Variants in B3GALT1 observed in about 807,000 individuals in gnomAD.
B3GALT1 encodes the protein UDP-Gal:betaGlcNAc beta 1,3-galactosyltransferase, polypeptide 1.
Under a neutral mutation model 23.2 loss-of-function variants are expected in B3GALT1, and 10 were observed. The ratio of observed to expected loss-of-function variants is 0.43; its 90% confidence interval spans 0.27 to 0.73. The LOEUF (loss-of-function observed/expected upper bound fraction) is 0.73. B3GALT1 is among the 30% of genes least tolerant of loss of function. B3GALT1 has a pLI of 0.21. For synonymous variants in B3GALT1, 156 were observed against 141.5 expected, an observed-to-expected ratio of 1.10 and a Z score of -0.73; for missense variants, 299 against 405.4, an observed-to-expected ratio of 0.74 and a Z score of 2.25.
intron 3 of B3GALT1, among the ~76,000 whole-genome samples, chr2:167,795,756 G>T (rs1688537283): frequency 1.3e-5 from 2 of 152,152 alleles, no homozygotes; most frequent in South Asian, 4.1e-4. Flanking sequence ...AAAGCTTATA[G>T]ATCCATCACC....
At chr2:167,521,172 ATGTT>A (rs1700181627) in intron 2 of B3GALT1, among the ~76,000 whole-genome samples, 1 of 152,062 alleles carries the variant, frequency 6.6e-6, no homozygotes, top group Non-Finnish European at 1.5e-5. Flanking sequence ...CATACACGTG[ATGTT>A]TGTTCTTGCT....
chr2:167,484,312 C>T (rs985322300), intron 1 of B3GALT1, among the ~76,000 whole-genome samples: 2 of 152,016 alleles, frequency 1.3e-5, no homozygotes, highest in Admixed American at 1.3e-4. Flanking sequence ...AAAAGTCAAA[C>T]TCTATAAAGT....
intron 3 of B3GALT1, among the ~76,000 whole-genome samples, chr2:167,689,774 G>A (rs940965099): frequency 6.6e-6 from 1 of 152,066 alleles, no homozygotes; most frequent in South Asian, 2.1e-4. Context: ...ATGAGACATG[G>A]TCTATTTCTG....
chr2:167,396,189 C>T (rs758807985), intron 1 of B3GALT1, among the ~76,000 whole-genome samples: 2 of 152,096 alleles, frequency 1.3e-5, no homozygotes, highest in Non-Finnish European at 2.9e-5. Flanking sequence ...TATCTAATTG[C>T]TATTTTGCAT....
chr2:167,507,958 G>A (rs1699946279), intron 2 of B3GALT1, among the ~76,000 whole-genome samples: 1 of 152,150 alleles, frequency 6.6e-6, no homozygotes. Context: ...CAAGATCAGA[G>A]TGCCATCATG....
chr2:167,873,234 T>A lies in B3GALT1; in HGVS notation c.*3214T>A, dbSNP rs528529112. ...TGTCTATGTTCTTAAAGTTCCTTTTTTTAATTTACTTTTTGGAAAAACGTT... is the reference window on the plus strand; with the variant it reads ...TGTCTATGTTCTTAAAGTTCCTTTTATTAATTTACTTTTTGGAAAAACGTT... On this transcript the variant is annotated 3_prime_UTR_variant, in exon 5 of 5. Coordinates refer to ENST00000392690, the MANE Select transcript of B3GALT1 (RefSeq NM_020981.4). The A allele has an allele frequency of 6.6e-6, 1 of 152,330 alleles. No individual in the cohort carries two copies. The highest frequency in any genetic ancestry group is 6.5e-5 in the Admixed American group (1 of 15,298). 9.4% of individuals were successfully genotyped at this position (152,330 alleles called of 1,614,324 possible). A position where few individuals can be genotyped will look rare whatever the true frequency, so the allele number is the denominator to read the frequency against.
intron 1 of B3GALT1, among the ~76,000 whole-genome samples, chr2:167,445,742 T>C (rs1437554425): frequency 1.3e-5 from 2 of 152,208 alleles, no homozygotes; most frequent in East Asian, 3.9e-4. Flanking sequence ...CCCTTTCTTT[T>C]GAGCTGATGT....
chr2:167,691,232 C>T (rs1224952760), intron 3 of B3GALT1, among the ~76,000 whole-genome samples: 1 of 152,066 alleles, frequency 6.6e-6, no homozygotes, highest in Non-Finnish European at 1.5e-5. Flanking sequence ...ACTTTCATTT[C>T]TGTATGCATA....
At chr2:167,342,821 T>C (rs1359284256) in intron 1 of B3GALT1, among the ~76,000 whole-genome samples, 1 of 152,194 alleles carries the variant, frequency 6.6e-6, no homozygotes, top group African/African-American at 2.4e-5. Context: ...GACACCTTTT[T>C]CTGTGGCCAT....
At chr2:167,837,882 A>G (rs899845595) in intron 4 of B3GALT1, among the ~76,000 whole-genome samples, 10 of 152,160 alleles carry the variant, frequency 6.6e-5, no homozygotes, top group Admixed American at 2.6e-4. Context: ...CTCACTCAAA[A>G]CCGCTCAACT....
chr2:167,781,999 T>A (rs147999439), intron 3 of B3GALT1, among the ~76,000 whole-genome samples: 92 of 152,244 alleles, frequency 6.0e-4, no homozygotes, highest in African/African-American at 2.0e-3. Context: ...CGCCTCGCCC[T>A]CCCAAAGTGC....
At chr2:167,397,381 T>C (rs1321052783) in intron 1 of B3GALT1, among the ~76,000 whole-genome samples, 16 of 152,086 alleles carry the variant, frequency 1.1e-4, no homozygotes, top group Non-Finnish European at 5.9e-5. Context: ...GAGGCAAATA[T>C]GAGGAAAACT....
intron 1 of B3GALT1, among the ~76,000 whole-genome samples, chr2:167,430,889 T>C (rs953667002): frequency 6.6e-6 from 1 of 152,226 alleles, no homozygotes; most frequent in Admixed American, 6.5e-5. Context: ...GAATGCAGTA[T>C]ACATGTGCAA....
At chr2:167,822,054 G>A (rs567642799) in intron 4 of B3GALT1, among the ~76,000 whole-genome samples, 53 of 152,284 alleles carry the variant, frequency 3.5e-4, no homozygotes, top group Non-Finnish European at 7.1e-4. Flanking sequence ...GCTCAGAGAA[G>A]TTATGATCAC....
chr2:167,773,792 G>C (rs1459444738), intron 3 of B3GALT1, among the ~76,000 whole-genome samples: 1 of 152,202 alleles, frequency 6.6e-6, no homozygotes, highest in East Asian at 1.9e-4. Flanking sequence ...ATGCTTGTTA[G>C]TTGGCTCCGA....
At chr2:167,481,885 A>G (rs1699566977) in intron 1 of B3GALT1, among the ~76,000 whole-genome samples, 1 of 152,252 alleles carries the variant, frequency 6.6e-6, no homozygotes, top group Non-Finnish European at 1.5e-5. Context: ...ATTTTAAGGC[A>G]GAGTTAAAAA....
intron 1 of B3GALT1, among the ~76,000 whole-genome samples, chr2:167,404,762 TAAATAA>T (rs1418468669): frequency 2.6e-5 from 4 of 152,164 alleles, no homozygotes; most frequent in Admixed American, 2.6e-4. Flanking sequence ...GTACTGTGCT[TAAATAA>T]AGCACATCCT....
intron 4 of B3GALT1, among the ~76,000 whole-genome samples, chr2:167,864,783 A>G (rs1228825884): frequency 6.6e-6 from 1 of 152,154 alleles, no homozygotes; most frequent in African/African-American, 2.4e-5. Flanking sequence ...CAAATGGAGA[A>G]AATTGTACCT....
intron 1 of B3GALT1, among the ~76,000 whole-genome samples, chr2:167,372,461 C>T (rs1013902988): frequency 3.3e-5 from 5 of 152,030 alleles, no homozygotes; most frequent in Admixed American, 1.3e-4. Flanking sequence ...GGCCCCCTTC[C>T]ACCACTTCTA....
Sources: allele counts gnomAD v4.1 joint callset (sites outside exome capture counted in the v4.1 genomes callset), GRCh38; gene constraint gnomAD v4.1.1; transcripts MANE v1.5; gene names NCBI Gene and HGNC (gene_info 2026-07-23, HGNC 2026-07-21).